Variants in NBAS observed in about 807,000 individuals in gnomAD.
NBAS encodes NAG/BC035112 fusion.
NBAS carries 219 observed loss-of-function variants against 302.5 expected under a neutral mutation model. The observed-to-expected ratio is 0.72, with a 90% CI of 0.65 to 0.81. The LOEUF (loss-of-function observed/expected upper bound fraction) is 0.81, where lower values mean the gene tolerates loss of function less well. Among genes scored for constraint, NBAS ranks in the 30% least tolerant of loss-of-function variants. The pLI is 0.00. For missense variants in NBAS, 2,932 were observed against 2,841.6 expected (o/e 1.03, Z -0.72); for synonymous variants, 1,118 against 1,021.6 (o/e 1.09, Z -1.80).
the NBAS span, among the ~76,000 whole-genome samples, chr2:14,872,108 A>C: frequency 6.6e-6 from 1 of 152,236 alleles, no homozygotes; most frequent in Non-Finnish European, 1.5e-5. Context: ...AACTGGAGTG[A>C]CTATATTAAC....
the NBAS span, among the ~76,000 whole-genome samples, chr2:15,138,157 G>A: frequency 6.6e-6 from 1 of 152,184 alleles, no homozygotes; most frequent in South Asian, 2.1e-4. Flanking sequence ...AGAGCTGAGA[G>A]CAGAGGATGG....
At position 15,339,550 on chromosome 2, in the gene NBAS, C is replaced by T. The variant is rs76387164; in HGVS notation, c.4180-8785G>A. Among the ~76,000 whole-genome samples the T allele has an allele frequency of 9.6e-3, 1,455 of 152,082 alleles. 11 individuals are homozygous for T. The highest frequency in any genetic ancestry group is 0.016 in the Admixed American group (245 of 15,270). On this transcript the variant is annotated intron_variant, in intron 35 of 51. Coordinates refer to ENST00000281513, the MANE Select transcript of NBAS (RefSeq NM_015909.4). Reference sequence around the variant, plus strand: ...TTGTGACAGGCATTGTTGTAAATTCCGGAAATACAAAACTGACCAAAATAT... The same window carrying T: ...TTGTGACAGGCATTGTTGTAAATTCTGGAAATACAAAACTGACCAAAATAT...
At chr2:14,835,228 T>A in the NBAS span, among the ~76,000 whole-genome samples, 4 of 152,054 alleles carry the variant, frequency 2.6e-5, no homozygotes, top group South Asian at 8.3e-4. Context: ...CCAATGGAAC[T>A]ATCAGTAGAA....
chr2:15,372,764 A>G (rs762605790), intron 31 of NBAS, among the ~76,000 whole-genome samples: 10 of 152,210 alleles, frequency 6.6e-5, no homozygotes, highest in Non-Finnish European at 1.3e-4. Flanking sequence ...ACAGCAGGGC[A>G]GCGGTTTTGG....
chr2:15,212,564 T>A (rs1373807007), intron 48 of NBAS, among the ~76,000 whole-genome samples: 2 of 152,162 alleles, frequency 1.3e-5, no homozygotes, highest in African/African-American at 4.8e-5. Flanking sequence ...CAGACTTTTA[T>A]CACAGTACCT....
Position 15,369,437 on chromosome 2 carries a change from T to G in NBAS, c.3704-2744A>C, listed in dbSNP as rs562454865. On this transcript the variant is annotated intron_variant, in intron 31 of 51. Transcript: ENST00000281513. ...CCTAAGCGATGCACACTACTAATATTTGAAGTACATTAAATAAATTTGGAG... is the reference window on the plus strand; with the variant it reads ...CCTAAGCGATGCACACTACTAATATGTGAAGTACATTAAATAAATTTGGAG... 5.9e-5 allele frequency among the ~76,000 whole-genome samples: 9 copies of G among 152,332 alleles called. No individual in the cohort carries two copies. In the South Asian group the frequency reaches 1.9e-3, roughly 32 times the overall value.
At chr2:15,197,696 A>G (rs751121547) in intron 48 of NBAS, among the ~76,000 whole-genome samples, 4 of 152,124 alleles carry the variant, frequency 2.6e-5, no homozygotes, top group East Asian at 1.9e-4. Flanking sequence ...TCTTGCCCCA[A>G]TCTACTCCTT....
intron 38 of NBAS, among the ~76,000 whole-genome samples, chr2:15,316,299 G>A (rs571329113): frequency 3.3e-5 from 5 of 152,310 alleles, no homozygotes; most frequent in Admixed American, 6.5e-5. Flanking sequence ...AGCTCGCAGC[G>A]TGATCGATGC....
At chr2:15,534,374 T>C (rs1029939929) in intron 9 of NBAS, among the ~76,000 whole-genome samples, 169 bp downstream of exon 9, 7 of 152,154 alleles carry the variant, frequency 4.6e-5, no homozygotes, top group East Asian at 3.8e-4. Flanking sequence ...GTGAGCCAGA[T>C]AGATAAGCAT....
At chr2:15,073,016 C>T in the NBAS span, among the ~76,000 whole-genome samples, 2 of 152,076 alleles carry the variant, frequency 1.3e-5, no homozygotes, top group South Asian at 4.1e-4. Flanking sequence ...GTAGTTCAAG[C>T]TACTTGGGAG....
At position 15,436,573 on chromosome 2, in the gene NBAS, T is replaced by C. The variant is rs181541233; in HGVS notation, c.2340-8779A>G. Among the ~76,000 whole-genome samples the C allele has an allele frequency of 8.5e-5, 13 of 152,342 alleles. 1 individual carries two copies. Among genetic ancestry groups the C allele is most frequent in the East Asian group, 7.7e-4 (4 of 5,186 alleles). ...ACTAAAAATCATAAATATGGCACGTTAACCTCATCTAAATGGATAGAAAGG... is the reference window on the plus strand; with the variant it reads ...ACTAAAAATCATAAATATGGCACGTCAACCTCATCTAAATGGATAGAAAGG... On this transcript the variant is annotated intron_variant, in intron 21 of 51. Coordinates refer to ENST00000281513, the MANE Select transcript of NBAS (RefSeq NM_015909.4).
chr2:15,557,625 C>T (rs1664708562), intron 2 of NBAS, among the ~76,000 whole-genome samples: 1 of 152,104 alleles, frequency 6.6e-6, no homozygotes, highest in Non-Finnish European at 1.5e-5. Context: ...ATTTCAAGTA[C>T]TTAACTTCTG....
At chr2:14,985,823 A>G in the NBAS span, among the ~76,000 whole-genome samples, 1 of 152,222 alleles carries the variant, frequency 6.6e-6, no homozygotes, top group East Asian at 1.9e-4. Context: ...AAAAAAATCA[A>G]ATGCAGTTAA....
chr2:15,258,128 T>C (rs1042487418), intron 44 of NBAS, among the ~76,000 whole-genome samples: 5 of 152,194 alleles, frequency 3.3e-5, no homozygotes, highest in Admixed American at 1.3e-4. Flanking sequence ...TTGTGAAGAT[T>C]TCATGGACAT....
chr2:15,353,791 G>A (rs1054207621), intron 33 of NBAS, 81 bp from the exon 34 acceptor site: 7 of 1,578,474 alleles, frequency 4.4e-6, no homozygotes, highest in South Asian at 1.1e-5. Flanking sequence ...ATGGCTTCCT[G>A]CTCAGGTCTT....
chr2:15,320,801 T>C (rs905054088), intron 38 of NBAS, among the ~76,000 whole-genome samples: 1 of 152,064 alleles, frequency 6.6e-6, no homozygotes, highest in South Asian at 2.1e-4. Flanking sequence ...ATCAATATAG[T>C]GAAAATGGCC....
intron 34 of NBAS, among the ~76,000 whole-genome samples, chr2:15,353,025 A>G (rs1434525144): frequency 6.6e-6 from 1 of 152,106 alleles, no homozygotes; most frequent in African/African-American, 2.4e-5. Context: ...TAAGAGAATG[A>G]CTATGGGATG....
chr2:14,890,577 A>C, the NBAS span: 2 of 152,246 alleles, frequency 1.3e-5, no homozygotes, highest in African/African-American at 4.8e-5. Context: ...CAGCATTTTG[A>C]GAGGCCGAGG....
At chr2:14,962,779 T>A in the NBAS span, among the ~76,000 whole-genome samples, 2 of 152,098 alleles carry the variant, frequency 1.3e-5, no homozygotes, top group Non-Finnish European at 2.9e-5. Flanking sequence ...TTTTCACTGA[T>A]GTCACAACAG....
Sources: allele counts gnomAD v4.1 joint callset (sites outside exome capture counted in the v4.1 genomes callset), GRCh38; gene constraint gnomAD v4.1.1; transcripts MANE v1.5; gene names NCBI Gene and HGNC (gene_info 2026-07-23, HGNC 2026-07-21).